The following RNF13 variants were observed in gnomAD, a reference collection of about 807,000 sequenced individuals.
The protein encoded by RNF13 is ring finger protein 13.
A neutral mutation model predicts 37.7 loss-of-function variants in RNF13; 19 were observed. The ratio of observed to expected loss-of-function variants is 0.50; its 90% CI spans 0.35 to 0.74. RNF13 has a LOEUF of 0.74. Ranked by LOEUF, RNF13 falls within the 30% of genes least tolerant of loss-of-function variation. The pLI is 0.01. For synonymous variants in RNF13, 144 were observed against 157.8 expected (o/e 0.91, Z 0.65); for missense variants, 375 against 453.0 (o/e 0.83, Z 1.56).
At chr3:149,842,714 C>T (rs1204393139) in intron 1 of RNF13, among the ~76,000 whole-genome samples, 1 of 152,142 alleles carries the variant, frequency 6.6e-6, no homozygotes, top group Non-Finnish European at 1.5e-5. Context: ...CTGTTCAGCC[C>T]ATTAAAGAAT....
intron 1 of RNF13, among the ~76,000 whole-genome samples, chr3:149,843,861 A>AG (rs1310374729): frequency 1.3e-5 from 2 of 152,232 alleles, no homozygotes; most frequent in African/African-American, 4.8e-5. Context: ...CCTACCTTAC[A>AG]GGGAGGTTAG....
chr3:149,834,177 A>G (rs1177431208), intron 1 of RNF13, among the ~76,000 whole-genome samples: 1 of 152,246 alleles, frequency 6.6e-6, no homozygotes, highest in Non-Finnish European at 1.5e-5. Context: ...TTAAGATGTC[A>G]GTACTACCCA....
chr3:149,834,685 T>A (rs896798056), intron 1 of RNF13, among the ~76,000 whole-genome samples: 5 of 152,162 alleles, frequency 3.3e-5, no homozygotes, highest in African/African-American at 1.2e-4. Context: ...CTTTCTTCCC[T>A]CTCTCTCACT....
At chr3:149,900,385 T>C (rs1715695729) in intron 5 of RNF13, among the ~76,000 whole-genome samples, 1 of 149,056 alleles carries the variant, frequency 6.7e-6, no homozygotes, top group Admixed American at 6.7e-5. Context: ...CTCCCAAATA[T>C]AAAAAAAAAT....
At chr3:149,896,356 T>G (rs184842434) in intron 5 of RNF13, among the ~76,000 whole-genome samples, 3 of 152,322 alleles carry the variant, frequency 2.0e-5, no homozygotes, top group Non-Finnish European at 4.4e-5. Flanking sequence ...TAGAAAACAC[T>G]GGAATGTATT....
At chr3:149,820,707 T>C (rs1281508074) in intron 1 of RNF13, among the ~76,000 whole-genome samples, 1 of 152,178 alleles carries the variant, frequency 6.6e-6, no homozygotes. Flanking sequence ...TTCAGTGGCA[T>C]TTAGTACCTT....
chr3:149,896,216 AC>A (rs1458843578), intron 5 of RNF13, among the ~76,000 whole-genome samples: 1 of 152,122 alleles, frequency 6.6e-6, no homozygotes, highest in African/African-American at 2.4e-5. Context: ...AAGATGATTT[AC>A]TGTCAACACT....
At chr3:149,950,232 G>A (rs1394025587) in intron 8 of RNF13, among the ~76,000 whole-genome samples, 2 of 152,068 alleles carry the variant, frequency 1.3e-5, no homozygotes, top group Non-Finnish European at 2.9e-5. Flanking sequence ...TATTAACGGT[G>A]GTTGTTTTAA....
chr3:149,919,473 A>C (rs1244402104), intron 7 of RNF13, among the ~76,000 whole-genome samples: 6 of 152,134 alleles, frequency 3.9e-5, no homozygotes, highest in Admixed American at 3.9e-4. Context: ...TGCATTTTCT[A>C]CAGCTTTATA....
chr3:149,814,846 T>TA (rs1208499069), intron 1 of RNF13, among the ~76,000 whole-genome samples: 1 of 152,186 alleles, frequency 6.6e-6, no homozygotes, highest in Non-Finnish European at 1.5e-5. Context: ...ATTTGTCTAT[T>TA]ACATAATTTT....
At chr3:149,938,135 A>G (rs929312878) in intron 8 of RNF13, among the ~76,000 whole-genome samples, 4 of 151,546 alleles carry the variant, frequency 2.6e-5, no homozygotes, top group African/African-American at 7.3e-5. Context: ...CACATTAAAT[A>G]TTGTTATATA....
chr3:149,852,532 C>T lies in RNF13; in HGVS notation c.131C>T (p.Ala44Val), dbSNP rs1199542161. 9.1e-6 allele frequency: 14 copies of T among 1,538,422 alleles called. No homozygotes were observed. Among genetic ancestry groups the T allele is most frequent in the East Asian group, 2.3e-5 (1 of 42,712 alleles). Reference protein sequence around the residue: ...ADILAYNFENASQTFDDLPAR... With the variant: ...ADILAYNFENVSQTFDDLPAR... ...TATTTTTAGTATAACTTTGAAAATGCATCTCAGACATTTGATGACCTCCCT... is the reference window on the plus strand; with the variant it reads ...TATTTTTAGTATAACTTTGAAAATGTATCTCAGACATTTGATGACCTCCCT... The change falls in exon 3 of 10, where the codon GCA becomes GTA. Residue 44 changes from alanine to valine, a missense_variant. Coordinates refer to ENST00000392894, the MANE Select transcript of RNF13 (RefSeq NM_183381.3).
chr3:149,960,766 T>G lies in RNF13; in HGVS notation c.808T>G (p.Trp270Gly). 6.2e-7 allele frequency: 1 copy of G among 1,613,616 alleles called. No homozygotes were observed. The highest frequency in any genetic ancestry group is 8.5e-7 in the Non-Finnish European group (1 of 1,179,828). ...HAYHCKCVDP[W>G]LTKTKKTCPV... ...TTATCACTGCAAGTGTGTAGACCCTTGGCTAACTAAAACCAAAAAAACCTG... is the reference window on the plus strand; with the variant it reads ...TTATCACTGCAAGTGTGTAGACCCTGGGCTAACTAAAACCAAAAAAACCTG... Residue 270 changes from tryptophan (W) to glycine (G), a missense_variant, in exon 10 of 10, where the codon TGG (tryptophan) becomes GGG (glycine). Physicochemically the swap from Trp to Gly is radical, Grantham distance 184. Transcript: ENST00000392894.
chr3:149,814,852 A>AT (rs548851633), intron 1 of RNF13, among the ~76,000 whole-genome samples: 15 of 151,448 alleles, frequency 9.9e-5, no homozygotes, highest in Admixed American at 1.3e-4. Context: ...CTATTACATA[A>AT]TTTTTTTTTG....
chr3:149,906,681 G>C (rs1716443306), intron 6 of RNF13, among the ~76,000 whole-genome samples: 1 of 140,348 alleles, frequency 7.1e-6, no homozygotes, highest in Non-Finnish European at 1.5e-5. Context: ...ATTTAGAAAG[G>C]GTCTCACTCC....
intron 8 of RNF13, among the ~76,000 whole-genome samples, chr3:149,938,484 A>AT (rs1213823473): frequency 1.3e-5 from 2 of 148,950 alleles, no homozygotes; most frequent in African/African-American, 5.0e-5. Flanking sequence ...TATTGTTATT[A>AT]TTATTTTTTT....
chr3:149,947,757 G>A (rs1015748586), intron 8 of RNF13, among the ~76,000 whole-genome samples: 2 of 152,036 alleles, frequency 1.3e-5, no homozygotes. Context: ...GATGTTAGAT[G>A]TGTATATATT....
intron 3 of RNF13, among the ~76,000 whole-genome samples, chr3:149,870,573 A>G (rs914685413): frequency 3.3e-5 from 5 of 151,808 alleles, no homozygotes; most frequent in Admixed American, 2.0e-4. Context: ...CCTACACTAT[A>G]TGATTTAGCA....
intron 1 of RNF13, among the ~76,000 whole-genome samples, chr3:149,829,881 G>GT (rs1576724696): frequency 6.6e-6 from 1 of 152,120 alleles, no homozygotes; most frequent in South Asian, 2.1e-4. Flanking sequence ...CATGGGGGTG[G>GT]TTTTTTCTGT....
Sources: gnomAD v4.1 joint callset for allele counts (sites outside exome capture counted in the v4.1 genomes callset) on GRCh38, gnomAD v4.1.1 for gene constraint, MANE v1.5 for transcripts, NCBI Gene and HGNC (gene_info 2026-07-23, HGNC 2026-07-21) for gene names.